The following DYNC2I1 variants were observed in gnomAD, a reference collection of about 807,000 sequenced individuals.
The protein encoded by DYNC2I1 is dynein 2 intermediate chain 1.
A neutral mutation model predicts 133.4 loss-of-function variants in DYNC2I1; 89 were observed. The observed-to-expected ratio is 0.67, with a 90% CI of 0.56 to 0.80. The LOEUF is 0.80. Among genes scored for constraint, DYNC2I1 ranks in the 30% least tolerant of loss-of-function variants. The probability of loss-of-function intolerance (pLI) is 0.00; values close to 1 mark genes in which losing one functional copy is unlikely to be tolerated. For synonymous variants in DYNC2I1, 504 were observed against 484.3 expected, an observed-to-expected ratio of 1.04 and a Z score of -0.54; for missense variants, 1,291 against 1,314.5, an observed-to-expected ratio of 0.98 and a Z score of 0.28.
chr7:158,941,722 C>T lies in DYNC2I1; in HGVS notation c.2779-203C>T, dbSNP rs187407593. Among the ~76,000 whole-genome samples the T allele has an allele frequency of 5.3e-5, 8 of 152,154 alleles. No individual in the cohort carries two copies. In the East Asian group the frequency reaches 9.7e-4, roughly 18 times the overall value. On this transcript the variant is annotated intron_variant, in intron 23 of 24. Coordinates refer to ENST00000407559, the MANE Select transcript of DYNC2I1 (RefSeq NM_018051.5). ...CATAGTGAGACCTCATCTCTACGAA[C>T]GATATAAAAGGTGGGTGTAGTGGTG...
chr7:158,854,027 G>C (rs932033519), upstream of DYNC2I1, among the ~76,000 whole-genome samples: 1 of 150,732 alleles, frequency 6.6e-6, no homozygotes, highest in African/African-American at 2.4e-5. Context: ...TAGTGGGTGG[G>C]GGGGCGTTGA....
the DYNC2I1 span, among the ~76,000 whole-genome samples, chr7:158,843,495 A>G: frequency 2.0e-5 from 3 of 152,150 alleles, no homozygotes; most frequent in African/African-American, 7.2e-5. Flanking sequence ...CCTGACCTCA[A>G]GTGATCTGCC....
In DYNC2I1 at chr7:158,871,224, A is replaced by C. The variant is rs1437709635; in HGVS notation, c.152A>C (p.Glu51Ala). 2 of 1,613,464 alleles carry C rather than the reference A, an allele frequency of 1.2e-6. No individual in the cohort carries two copies. Among genetic ancestry groups the C allele is most frequent in the East Asian group, 4.5e-5 (2 of 44,872 alleles). Residue 51 changes from glutamate to alanine, a missense_variant, in exon 3 of 25, where the codon GAA becomes GCA. By Grantham distance (107) the Glu-to-Ala change is moderately radical. Coordinates refer to ENST00000407559, the MANE Select transcript of DYNC2I1 (RefSeq NM_018051.5). ...AAGGAGTCTGAGATGGACCTTCCTG[A>C]ACATAAGGAGCCGAGGTGCAGGGAT... is the stretch of plus-strand genomic sequence containing the variant. ...LRKESEMDLP[E>A]HKEPRCRDPD...
At chr7:158,870,236 C>T (rs1842760803) in intron 2 of DYNC2I1, among the ~76,000 whole-genome samples, 1 of 152,154 alleles carries the variant, frequency 6.6e-6, no homozygotes, top group African/African-American at 2.4e-5. Context: ...AGTTTTAGAA[C>T]GAGGGTCCTT....
chr7:158,874,019 A>G (rs1372989205), intron 3 of DYNC2I1, among the ~76,000 whole-genome samples: 2 of 151,952 alleles, frequency 1.3e-5, no homozygotes, highest in Non-Finnish European at 2.9e-5. Flanking sequence ...TTGACCTCCC[A>G]GAGTACTAGG....
At chr7:158,940,812 C>T (rs895931780) in intron 23 of DYNC2I1, among the ~76,000 whole-genome samples, 1 of 152,248 alleles carries the variant, frequency 6.6e-6, no homozygotes, top group African/African-American at 2.4e-5. Context: ...ATATCAAAAT[C>T]TATGGGATAT....
chr7:158,865,970 G>C (rs1842368434), intron 1 of DYNC2I1, among the ~76,000 whole-genome samples: 1 of 152,160 alleles, frequency 6.6e-6, no homozygotes. Flanking sequence ...AAAGTAGTCA[G>C]TATTCTGTGC....
intron 14 of DYNC2I1, among the ~76,000 whole-genome samples, chr7:158,915,162 A>C (rs111334158): frequency 6.8e-6 from 1 of 146,592 alleles, no homozygotes; most frequent in African/African-American, 2.5e-5. Context: ...GTGAAATGTC[A>C]ACACGCTGGT....
intron 11 of DYNC2I1, 125 bp downstream of exon 11, chr7:158,906,216 A>G: frequency 1.3e-6 from 1 of 758,500 alleles, no homozygotes; most frequent in Non-Finnish European, 2.2e-6. Context: ...GTATGACTTA[A>G]TTTGTACTAC....
rs781681291 is a variant in DYNC2I1 at position 158,923,746 on chromosome 7, T to G, written c.2257+13T>G. 1 of 1,595,142 alleles carries G rather than the reference T, an allele frequency of 6.3e-7. No individual in the cohort carries two copies. On this transcript the variant is annotated intron_variant, in intron 17 of 24. Coordinates refer to ENST00000407559, the MANE Select transcript of DYNC2I1 (RefSeq NM_018051.5). ...ACGTTTTCCACCGGTCAGTGTCATCTGCCTGCCAATTGTGTGTCTGCTAGA... is the reference window on the plus strand; with the variant it reads ...ACGTTTTCCACCGGTCAGTGTCATCGGCCTGCCAATTGTGTGTCTGCTAGA...
intron 24 of DYNC2I1, among the ~76,000 whole-genome samples, chr7:158,943,065 G>A (rs1181228740): frequency 6.6e-6 from 1 of 152,094 alleles, no homozygotes; most frequent in Non-Finnish European, 1.5e-5. Flanking sequence ...GTTGACCTGG[G>A]GAGAGAAATC....
intron 20 of DYNC2I1, among the ~76,000 whole-genome samples, chr7:158,927,392 G>C (rs1849728979): frequency 7.3e-6 from 1 of 137,550 alleles, no homozygotes. Flanking sequence ...GATGGAATGA[G>C]ACCTTGTCTC....
At chr7:158,908,602 C>A (rs1847074898) in intron 11 of DYNC2I1, among the ~76,000 whole-genome samples, 1 of 152,134 alleles carries the variant, frequency 6.6e-6, no homozygotes, top group Non-Finnish European at 1.5e-5. Context: ...GTCAGGAAAA[C>A]AAAAACTAAT....
Position 158,946,082 on chromosome 7 carries a change from TG to T in DYNC2I1, c.*304del, listed in dbSNP as rs1469220703. ...AACAGTTTAAATATTGTCACATTAC[TG>T]CTAGATTTTAAACAGCCTACCATGA... On this transcript the variant is annotated 3_prime_UTR_variant, in exon 25 of 25. Coordinates refer to ENST00000407559, the MANE Select transcript of DYNC2I1 (RefSeq NM_018051.5). 1.4e-5 allele frequency: 3 copies of T among 219,672 alleles called. No homozygotes were observed. Among genetic ancestry groups the T allele is most frequent in the Non-Finnish European group, 2.7e-5 (3 of 112,962 alleles). 13.6% of individuals were successfully genotyped at this position (219,672 alleles called of 1,614,324 possible). A position where few individuals can be genotyped will look rare whatever the true frequency, so the allele number is the denominator to read the frequency against.
In DYNC2I1 at chr7:158,918,767, C is replaced by T. The variant is rs555394154; in HGVS notation, c.1819C>T (p.Arg607Cys). 45 of 1,613,788 alleles carry T rather than the reference C, an allele frequency of 2.8e-5. No individual in the cohort carries two copies. Among genetic ancestry groups the T allele is most frequent in the Middle Eastern group, 3.3e-4 (2 of 6,062 alleles). ...QVMAVLLEED[R>C]LAAEPSWNLR... ...GATGGCCGTTTTGCTGGAAGAGGAT[C>T]GCTTGGCAGCTGAACCCAGCTGGAA... The change falls in exon 15 of 25, where the codon CGC becomes TGC. Residue 607 changes from arginine (R) to cysteine (C), a missense_variant. Transcript: ENST00000407559.
intron 21 of DYNC2I1, among the ~76,000 whole-genome samples, chr7:158,933,387 G>A (rs535266072): frequency 6.6e-6 from 1 of 152,332 alleles, no homozygotes; most frequent in African/African-American, 2.4e-5. Context: ...GACCTTCTGA[G>A]CTGTCTCTGG....
At chr7:158,884,519 C>A in intron 5 of DYNC2I1, 45 bp from the exon 6 acceptor site, 1 of 1,570,476 alleles carries the variant, frequency 6.4e-7, no homozygotes, top group Non-Finnish European at 8.7e-7. Flanking sequence ...TACTTCATTC[C>A]GATATGCTAA....
intron 9 of DYNC2I1, 107 bp from the exon 10 acceptor site, chr7:158,902,269 G>A: frequency 1.1e-6 from 1 of 897,752 alleles, no homozygotes; most frequent in South Asian, 1.8e-5. Flanking sequence ...GCTGTAATAA[G>A]GACATTGTCT....
the DYNC2I1 span, among the ~76,000 whole-genome samples, chr7:158,850,121 G>A: frequency 6.6e-6 from 1 of 152,254 alleles, no homozygotes; most frequent in East Asian, 1.9e-4. Flanking sequence ...GCTGGGGAGT[G>A]GGGAGGGGAG....
Sources: allele counts gnomAD v4.1 joint callset (sites outside exome capture counted in the v4.1 genomes callset), GRCh38; gene constraint gnomAD v4.1.1; transcripts MANE v1.5; gene names NCBI Gene and HGNC (gene_info 2026-07-23, HGNC 2026-07-21).